Variants in DNTT observed in about 807,000 individuals in gnomAD.
DNTT encodes nucleosidetriphosphate:DNA deoxynucleotidylexotransferase.
Under a neutral mutation model 60.9 loss-of-function variants are expected in DNTT, and 47 were observed. That is an observed-to-expected ratio of 0.77 (90% CI 0.61 to 0.98). The LOEUF is 0.98. DNTT is among the 50% of genes least tolerant of loss of function. The pLI, the probability that DNTT is intolerant of heterozygous loss-of-function variation, is 0.00. For missense variants in DNTT, 665 were observed against 627.5 expected (o/e 1.06, Z -0.64); for synonymous variants, 224 against 221.2 (o/e 1.01, Z -0.11).
At chr10:96,336,086 G>A (rs1468914191) in intron 10 of DNTT, 112 bp downstream of exon 10, 29 of 1,037,366 alleles carry the variant, frequency 2.8e-5, no homozygotes, top group East Asian at 4.8e-5. Flanking sequence ...TTTGTCATGC[G>A]TGTTCTATTT....
intron 10 of DNTT, among the ~76,000 whole-genome samples, chr10:96,336,566 A>C (rs1165017848): frequency 2.0e-5 from 3 of 152,214 alleles, no homozygotes; most frequent in Admixed American, 1.3e-4. Flanking sequence ...CCAACTGTTA[A>C]ATCCACAGTT....
At chr10:96,318,579 T>G in intron 2 of DNTT, 53 bp downstream of exon 2, 1 of 1,585,412 alleles carries the variant, frequency 6.3e-7, no homozygotes, top group Non-Finnish European at 8.6e-7. Context: ...GTTAAGAACA[T>G]AGGCTTAGGA....
chr10:96,325,683 T>C (rs2133991498), intron 6 of DNTT, among the ~76,000 whole-genome samples: 1 of 152,348 alleles, frequency 6.6e-6, no homozygotes, highest in East Asian at 1.9e-4. Flanking sequence ...CTACCAGTTC[T>C]ATGCAGAAAT....
chr10:96,310,710 G>A (rs12269568), intron 1 of DNTT, among the ~76,000 whole-genome samples: 2,471 of 152,272 alleles, frequency 0.016, 55 homozygotes, highest in African/African-American at 0.045. Context: ...GTAGACCTCA[G>A]CTACAGACTT....
At chr10:96,332,656 T>C in intron 9 of DNTT, 60 bp downstream of exon 9, 1 of 1,584,052 alleles carries the variant, frequency 6.3e-7, no homozygotes. Flanking sequence ...AGGCCGAGTC[T>C]ACCTGGGCCC....
rs2133997028 is a variant in DNTT at position 96,335,754 on chromosome 10, A to G, written c.1360-137A>G. The G allele has an allele frequency of 3.3e-6, 3 of 910,158 alleles. No individual in the cohort carries two copies. In the East Asian group the frequency reaches 7.2e-5, roughly 22 times the overall value. 56.4% of individuals were successfully genotyped at this position (910,158 alleles called of 1,614,324 possible). ...TGGGAGCACGGACTTCTGTCACCAG[A>G]GAATTTGGCCCTGGGGGAGGAAAAT... On this transcript the variant is annotated intron_variant, in intron 9 of 10. Transcript: ENST00000371174.
In DNTT at chr10:96,320,524, C is replaced by A; in HGVS notation, c.508-94C>A. On this transcript the variant is annotated intron_variant, in intron 3 of 10. Transcript: ENST00000371174. Reference sequence around the variant, plus strand: ...TAGAAGGAAACACGCAAGTGGTATTCCAATATTTAAAGGAGAGCAAGAGGC... The same window carrying A: ...TAGAAGGAAACACGCAAGTGGTATTACAATATTTAAAGGAGAGCAAGAGGC... The A allele has an allele frequency of 2.1e-6, 3 of 1,422,416 alleles. 1 individual carries two copies. Among genetic ancestry groups the A allele is most frequent in the Non-Finnish European group, 2.9e-6 (3 of 1,036,486 alleles). The allele number at this position is 1,422,416 out of a possible 1,614,324, so 88.1% of individuals were successfully genotyped here. A position where few individuals can be genotyped will look rare whatever the true frequency, so the allele number is the denominator to read the frequency against.
chr10:96,324,559 T>G (rs530588787), intron 6 of DNTT, among the ~76,000 whole-genome samples, 170 bp downstream of exon 6: 1 of 152,220 alleles, frequency 6.6e-6, no homozygotes, highest in Non-Finnish European at 1.5e-5. Flanking sequence ...TGTGTGATCT[T>G]GAGCAAGTTG....
chr10:96,329,180 G>A (rs1287577769), intron 8 of DNTT, among the ~76,000 whole-genome samples: 1 of 152,246 alleles, frequency 6.6e-6, no homozygotes, highest in African/African-American at 2.4e-5. Context: ...CTGCAAGCTT[G>A]GGTGAGGGGG....
intron 7 of DNTT, among the ~76,000 whole-genome samples, chr10:96,327,981 A>G (rs913702608): frequency 5.3e-5 from 8 of 152,180 alleles, no homozygotes; most frequent in African/African-American, 1.9e-4. Context: ...GAGTACCTGC[A>G]AAGCCCTTGA....
intron 9 of DNTT, among the ~76,000 whole-genome samples, 166 bp from the exon 10 acceptor site, chr10:96,335,725 T>A (rs1280699214): frequency 6.6e-6 from 1 of 152,200 alleles, no homozygotes; most frequent in African/African-American, 2.4e-5. Flanking sequence ...TTCTAGTGTG[T>A]TCATGGGAGC....
At chr10:96,322,018 C>T (rs922740462) in intron 4 of DNTT, among the ~76,000 whole-genome samples, 4 of 152,110 alleles carry the variant, frequency 2.6e-5, no homozygotes, top group African/African-American at 7.2e-5. Context: ...CACCTGGGGG[C>T]GCCACCTTAG....
chr10:96,304,568 C>T lies in DNTT; in HGVS notation c.71C>T (p.Ala24Val). ...KRPRQTGALMASSPQDIKFQD... is the reference protein window; with the variant it reads ...KRPRQTGALMVSSPQDIKFQD... ...CCCCGGCAGACGGGTGCCTTGATGG[C>T]CTCCTCTCCTCAAGACATCAAATTT... The change falls in exon 1 of 11, where the codon GCC (alanine) becomes GTC (valine). Residue 24 changes from alanine (A) to valine (V), a missense_variant. Transcript: ENST00000371174. 1 of 1,614,120 alleles carries T rather than the reference C, an allele frequency of 6.2e-7. No individual in the cohort carries two copies.
intron 1 of DNTT, among the ~76,000 whole-genome samples, chr10:96,307,474 C>G (rs915985496): frequency 2.7e-5 from 4 of 148,676 alleles, no homozygotes; most frequent in East Asian, 2.0e-4. Flanking sequence ...CCTGCCTAAG[C>G]CTCCTGAACA....
At chr10:96,310,486 GT>G (rs1232039712) in intron 1 of DNTT, among the ~76,000 whole-genome samples, 1 of 151,822 alleles carries the variant, frequency 6.6e-6, no homozygotes, top group African/African-American at 2.4e-5. Flanking sequence ...TTTCTTTACA[GT>G]TTTTCTTGCT....
At chr10:96,324,233 G>C (rs376783886) in intron 5 of DNTT, 33 bp from the exon 6 acceptor site, 1 of 1,603,250 alleles carries the variant, frequency 6.2e-7, no homozygotes, top group African/African-American at 1.3e-5. Flanking sequence ...GATTATCTTA[G>C]AGACTGATGG....
chr10:96,314,185 G>A (rs1463905098), intron 1 of DNTT, among the ~76,000 whole-genome samples: 2 of 152,056 alleles, frequency 1.3e-5, no homozygotes, highest in African/African-American at 4.8e-5. Context: ...CTGCCCTTGG[G>A]AGGAAATCGA....
intron 10 of DNTT, among the ~76,000 whole-genome samples, chr10:96,337,208 A>G (rs754767176): frequency 5.3e-5 from 8 of 152,160 alleles, no homozygotes; most frequent in Non-Finnish European, 1.0e-4. Context: ...ACTTCAACAG[A>G]GAAGAGCCTG....
chr10:96,324,749 G>A (rs1844920953), intron 6 of DNTT, among the ~76,000 whole-genome samples: 1 of 152,230 alleles, frequency 6.6e-6, no homozygotes, highest in African/African-American at 2.4e-5. Context: ...AGGTTGTGCT[G>A]CTGATCTGGT....
Sources: allele counts gnomAD v4.1 joint callset (sites outside exome capture counted in the v4.1 genomes callset), GRCh38; gene constraint gnomAD v4.1.1; transcripts MANE v1.5; gene names NCBI Gene and HGNC (gene_info 2026-07-23, HGNC 2026-07-21).